The following CWF19L2 variants were observed in gnomAD, a reference collection of about 807,000 sequenced individuals.
CWF19L2 encodes the protein CWF19 like cell cycle control factor 2, also known as CWF19-like protein 2.
Under a neutral mutation model 111.7 loss-of-function variants are expected in CWF19L2, and 98 were observed. That is an observed-to-expected ratio of 0.88 (90% confidence interval 0.75 to 1.04). The LOEUF is 1.04. Among genes scored for constraint, CWF19L2 ranks in the 50% least tolerant of loss-of-function variants. The probability of loss-of-function intolerance (pLI) is 0.00; values close to 1 mark genes in which losing one functional copy is unlikely to be tolerated. For missense variants in CWF19L2, 1,101 were observed against 1,051.4 expected, an observed-to-expected ratio of 1.05 and a Z score of -0.65; for synonymous variants, 351 against 342.9, an observed-to-expected ratio of 1.02 and a Z score of -0.26.
At position 107,326,880 on chromosome 11, in the gene CWF19L2, G is replaced by C. The variant is rs630693; in HGVS notation, c.*30C>G. ...ATGGAAATAAAACTGAACGGGATCT[G>C]AAGAAAAATTTTAAAATGGAAGGTA... On this transcript the variant is annotated 3_prime_UTR_variant, in exon 18 of 18. Coordinates refer to ENST00000282251, the MANE Select transcript of CWF19L2 (RefSeq NM_152434.3). 423,128 of 1,546,776 alleles carry C rather than the reference G, an allele frequency of 0.27. 59,975 individuals are homozygous for C. The highest frequency in any genetic ancestry group is 0.37 in the African/African-American group (26,491 of 71,278).
rs562528785 is a variant in CWF19L2, at chr11:107,391,732, T to C, written c.1734+1047A>G. Among the ~76,000 whole-genome samples the C allele has an allele frequency of 2.6e-5, 4 of 152,334 alleles. No homozygotes were observed. In the South Asian group the frequency reaches 8.3e-4, roughly 32 times the overall value. Reference sequence around the variant, plus strand: ...TTGTCTTTAACTTCTTTGAGATCTTTGGAACAGGGGTGCAACTACATTTTC... The same window carrying C: ...TTGTCTTTAACTTCTTTGAGATCTTCGGAACAGGGGTGCAACTACATTTTC... On this transcript the variant is annotated intron_variant, in intron 11 of 17. Coordinates refer to ENST00000282251, the MANE Select transcript of CWF19L2 (RefSeq NM_152434.3).
At chr11:107,378,263 C>A (rs1860625041) in intron 12 of CWF19L2, among the ~76,000 whole-genome samples, 1 of 149,820 alleles carries the variant, frequency 6.7e-6, no homozygotes, top group Admixed American at 6.6e-5. Context: ...CATCCCATTA[C>A]TGGGTATATA....
intron 8 of CWF19L2, among the ~76,000 whole-genome samples, chr11:107,424,163 A>G (rs1861341838): frequency 6.7e-6 from 1 of 149,588 alleles, no homozygotes; most frequent in Non-Finnish European, 1.5e-5. Context: ...GTCACCCACA[A>G]TCTGTAGCCA....
At chr11:107,412,420 A>G (rs1861170313) in intron 10 of CWF19L2, among the ~76,000 whole-genome samples, 1 of 152,140 alleles carries the variant, frequency 6.6e-6, no homozygotes, top group Non-Finnish European at 1.5e-5. Flanking sequence ...AGCTCACTGC[A>G]ATCTCCGCCT....
intron 2 of CWF19L2, among the ~76,000 whole-genome samples, chr11:107,455,417 T>C (rs1861839966): frequency 6.6e-6 from 1 of 152,176 alleles, no homozygotes; most frequent in Admixed American, 6.5e-5. Context: ...AAGCTTGCTA[T>C]AGTGGGCCAG....
chr11:107,339,767 G>A (rs953905281), intron 14 of CWF19L2, among the ~76,000 whole-genome samples: 1 of 151,288 alleles, frequency 6.6e-6, no homozygotes, highest in African/African-American at 2.4e-5. Flanking sequence ...CCAGGTTCGG[G>A]TGATTCTCCC....
At chr11:107,414,910 C>T (rs4754220) in intron 10 of CWF19L2, among the ~76,000 whole-genome samples, 6 of 152,142 alleles carry the variant, frequency 3.9e-5, no homozygotes, top group African/African-American at 1.4e-4. Flanking sequence ...CATTTCTTAT[C>T]TGCATTATTA....
At chr11:107,340,010 T>C (rs1288873027) in intron 14 of CWF19L2, among the ~76,000 whole-genome samples, 1 of 152,168 alleles carries the variant, frequency 6.6e-6, no homozygotes, top group East Asian at 1.9e-4. Context: ...ACATTCTAGA[T>C]ATAAAAATAT....
At chr11:107,369,966 T>G (rs551325008) in intron 12 of CWF19L2, among the ~76,000 whole-genome samples, 1 of 138,122 alleles carries the variant, frequency 7.2e-6, no homozygotes, top group African/African-American at 2.9e-5. Flanking sequence ...TGGAGTGCAG[T>G]GTTGGGATTG....
At chr11:107,432,233 T>C (rs941143596) in intron 7 of CWF19L2, among the ~76,000 whole-genome samples, 1 of 152,094 alleles carries the variant, frequency 6.6e-6, no homozygotes, top group African/African-American at 2.4e-5. Flanking sequence ...TGGAAAACAA[T>C]ATCAATAGTC....
At chr11:107,414,761 C>T (rs1206882733) in intron 10 of CWF19L2, among the ~76,000 whole-genome samples, 3 of 152,044 alleles carry the variant, frequency 2.0e-5, no homozygotes, top group African/African-American at 7.2e-5. Flanking sequence ...AGCCCATTAC[C>T]CACCCCCCAC....
At position 107,428,901 on chromosome 11, in the gene CWF19L2, T is replaced by A. The variant is rs199676846; in HGVS notation, c.1331A>T (p.Gln444Leu). Residue 444 changes from glutamine to leucine, a missense_variant, in exon 8 of 18, where the codon CAA becomes CTA. Coordinates refer to ENST00000282251, the MANE Select transcript of CWF19L2 (RefSeq NM_152434.3). Reference sequence around the variant, plus strand: ...TTCTCTTGGGTCTTCTGGAACATGTTGGTGTTCATCAGTACTGGTTTCCGA... The same window carrying A: ...TTCTCTTGGGTCTTCTGGAACATGTAGGTGTTCATCAGTACTGGTTTCCGA... Reference protein sequence around the residue: ...KPSETSTDEHQHVPEDPREKS... With the variant: ...KPSETSTDEHLHVPEDPREKS... The A allele has an allele frequency of 2.5e-6, 4 of 1,613,598 alleles. No homozygotes were observed. The highest frequency in any genetic ancestry group is 3.4e-6 in the Non-Finnish European group (4 of 1,179,724).
intron 14 of CWF19L2, among the ~76,000 whole-genome samples, chr11:107,339,295 T>C (rs2134528963): frequency 6.6e-6 from 1 of 152,314 alleles, no homozygotes; most frequent in East Asian, 1.9e-4. Context: ...GCTATGAACA[T>C]TTGTGCACAG....
At chr11:107,402,650 G>A (rs995016139) in intron 10 of CWF19L2, among the ~76,000 whole-genome samples, 7 of 151,866 alleles carry the variant, frequency 4.6e-5, no homozygotes, top group Non-Finnish European at 1.0e-4. Context: ...AACTAGTACA[G>A]CCACTATGGA....
intron 12 of CWF19L2, among the ~76,000 whole-genome samples, chr11:107,354,954 A>G (rs999160708): frequency 2.0e-5 from 3 of 152,134 alleles, no homozygotes; most frequent in Non-Finnish European, 2.9e-5. Context: ...AGCCCCTCCA[A>G]TGTGTACTTG....
At chr11:107,441,023 A>G (rs1861612663) in intron 5 of CWF19L2, among the ~76,000 whole-genome samples, 1 of 152,192 alleles carries the variant, frequency 6.6e-6, no homozygotes, top group South Asian at 2.1e-4. Context: ...CAGCTTCAGC[A>G]CTTCCTTACT....
chr11:107,445,877 G>A (rs1565288813), intron 3 of CWF19L2, among the ~76,000 whole-genome samples: 1 of 152,144 alleles, frequency 6.6e-6, no homozygotes, highest in Non-Finnish European at 1.5e-5. Context: ...TACTTCCCAT[G>A]CTAGAAAGTG....
At chr11:107,357,586 T>C (rs1194620337) in intron 12 of CWF19L2, among the ~76,000 whole-genome samples, 3 of 152,188 alleles carry the variant, frequency 2.0e-5, no homozygotes, top group Non-Finnish European at 2.9e-5. Flanking sequence ...TTTGTAGTGT[T>C]TGAATTGAAA....
At chr11:107,348,764 A>G (rs991455343) in intron 14 of CWF19L2, 173 bp downstream of exon 14, 1 of 383,362 alleles carries the variant, frequency 2.6e-6, no homozygotes, top group Non-Finnish European at 4.8e-6. Flanking sequence ...CACAAGGGAA[A>G]TAAAATGATG....
Sources: gnomAD v4.1 joint callset for allele counts (sites outside exome capture counted in the v4.1 genomes callset) on GRCh38, gnomAD v4.1.1 for gene constraint, MANE v1.5 for transcripts, NCBI Gene and HGNC (gene_info 2026-07-23, HGNC 2026-07-21) for gene names.